CBFB: variants seen among roughly 807,000 people sequenced by gnomAD.
CBFB encodes the protein CBF-beta.
Under a neutral mutation model 30.4 loss-of-function variants are expected in CBFB, and 9 were observed. The observed-to-expected ratio is 0.30, with a 90% confidence interval of 0.18 to 0.52. The LOEUF (loss-of-function observed/expected upper bound fraction) is 0.52. CBFB is among the 20% of genes least tolerant of loss of function. The pLI, the probability that CBFB is intolerant of heterozygous loss-of-function variation, is 0.97. For synonymous variants in CBFB, 94 were observed against 84.0 expected, an observed-to-expected ratio of 1.12 and a Z score of -0.65; for missense variants, 170 against 244.0, an observed-to-expected ratio of 0.70 and a Z score of 2.02.
At chr16:67,073,257 GTC>G (rs1336981123) in intron 4 of CBFB, among the ~76,000 whole-genome samples, 2 of 152,132 alleles carry the variant, frequency 1.3e-5, no homozygotes, top group African/African-American at 4.8e-5. Flanking sequence ...CACAGGTATT[GTC>G]TCTGCTTTTG....
intron 3 of CBFB, among the ~76,000 whole-genome samples, chr16:67,059,494 G>A (rs1960828459): frequency 6.6e-6 from 1 of 152,146 alleles, no homozygotes; most frequent in Non-Finnish European, 1.5e-5. Context: ...ATGCACATGG[G>A]CTCAAACACA....
chr16:67,030,169 T>A (rs1048364154), intron 2 of CBFB: 1 of 208,244 alleles, frequency 4.8e-6, no homozygotes, highest in Non-Finnish European at 9.4e-6. Context: ...AAGTGGAGCT[T>A]CATTCAAGGT....
rs557593884 is a variant in CBFB, at chr16:67,029,188, AGGCGGC to A, written c.-200_-195del. 10,697 of 192,656 alleles carry A rather than the reference AGGCGGC, an allele frequency of 0.056. 504 individuals carry two copies. Among genetic ancestry groups the A allele is most frequent in the African/African-American group, 0.13 (5,210 of 39,858 alleles). 11.9% of individuals were successfully genotyped at this position (192,656 alleles called of 1,614,324 possible). A position where few individuals can be genotyped will look rare whatever the true frequency, so the allele number is the denominator to read the frequency against. ...CTGCGCGGGCGGCAGGCAACGGCTG[AGGCGGC>A]GGCGGCGGCGGCGGCGGCGTGGGTT... On this transcript the variant is annotated 5_prime_UTR_variant, in exon 1 of 6. Transcript: ENST00000412916.
chr16:67,099,216 T>A lies in CBFB; in HGVS notation c.*438T>A, dbSNP rs1320235350. 1 of 234,144 alleles carries A rather than the reference T, an allele frequency of 4.3e-6. No individual in the cohort carries two copies. Among genetic ancestry groups the A allele is most frequent in the Non-Finnish European group, 8.4e-6 (1 of 119,078 alleles). The allele number at this position is 234,144 out of a possible 1,614,324, so 14.5% of individuals were successfully genotyped here. ...TTTGGTTATACAGCTTCATTTTAGA[T>A]GAGCATTCTTATTTTTTGTTTTGTT... On this transcript the variant is annotated 3_prime_UTR_variant, in exon 6 of 6. Transcript: ENST00000412916.
chr16:67,082,107 C>A (rs2145770926), intron 4 of CBFB, 106 bp from the exon 5 acceptor site: 1 of 899,238 alleles, frequency 1.1e-6, no homozygotes, highest in Non-Finnish European at 1.6e-6. Context: ...GCGTGAGCCA[C>A]TGCGCCCGGC....
chr16:67,055,505 C>T (rs1015092863), intron 3 of CBFB, among the ~76,000 whole-genome samples: 1 of 151,716 alleles, frequency 6.6e-6, no homozygotes, highest in Non-Finnish European at 1.5e-5. Context: ...AGGTGCCCGC[C>T]ACCACGCCCA....
At chr16:67,069,137 C>T (rs1041701794) in intron 4 of CBFB, among the ~76,000 whole-genome samples, 1 of 152,120 alleles carries the variant, frequency 6.6e-6, no homozygotes, top group African/African-American at 2.4e-5. Flanking sequence ...TCACTTGAAC[C>T]CGGGAGGTGG....
intron 4 of CBFB, among the ~76,000 whole-genome samples, chr16:67,072,664 C>T (rs1490524881): frequency 2.0e-5 from 3 of 151,826 alleles, no homozygotes; most frequent in Non-Finnish European, 2.9e-5. Flanking sequence ...CGGGGTTTCT[C>T]CATGTTGGTC....
At chr16:67,036,957 G>A (rs1966449612) in intron 3 of CBFB, among the ~76,000 whole-genome samples, 1 of 151,824 alleles carries the variant, frequency 6.6e-6, no homozygotes, top group Non-Finnish European at 1.5e-5. Context: ...GGAGTGCAGT[G>A]GCGTGATGTT....
intron 2 of CBFB, among the ~76,000 whole-genome samples, chr16:67,034,749 A>G (rs1215829587): frequency 1.3e-5 from 2 of 152,192 alleles, no homozygotes; most frequent in African/African-American, 2.4e-5. Context: ...ATACTGAAGA[A>G]ACAAGCCACA....
intron 2 of CBFB, among the ~76,000 whole-genome samples, chr16:67,033,095 A>G (rs1028299039): frequency 1.3e-5 from 2 of 151,786 alleles, no homozygotes; most frequent in Non-Finnish European, 2.9e-5. Context: ...GGCTGGTCTC[A>G]AACTCCTGAC....
At chr16:67,096,600 AT>A (rs1962052150) in intron 5 of CBFB, among the ~76,000 whole-genome samples, 1 of 151,972 alleles carries the variant, frequency 6.6e-6, no homozygotes, top group Admixed American at 6.6e-5. Flanking sequence ...TTTAAAATAG[AT>A]TTGGTCAACA....
chr16:67,100,066 CT>C lies in CBFB; in HGVS notation c.*1297del, dbSNP rs201131293. 1.1e-3 allele frequency: 231 copies of C among 209,614 alleles called. No homozygotes were observed. Among genetic ancestry groups the C allele is most frequent in the Middle Eastern group, 4.5e-3 (3 of 660 alleles). The allele number at this position is 209,614 out of a possible 1,614,324, so 13.0% of individuals were successfully genotyped here. ...AAATAGGCTTACTGTCAAATTGCAACTTTTTTTTTAGATACAGAGTGGAAAA... is the reference window on the plus strand; with the variant it reads ...AAATAGGCTTACTGTCAAATTGCAACTTTTTTTTAGATACAGAGTGGAAAA... On this transcript the variant is annotated 3_prime_UTR_variant, in exon 6 of 6. Transcript: ENST00000412916.
At chr16:67,098,678 T>C in intron 5 of CBFB, 32 bp from the exon 6 acceptor site, 2 of 1,405,188 alleles carry the variant, frequency 1.4e-6, no homozygotes, top group East Asian at 2.3e-5. Context: ...CAAAACACTT[T>C]TTGACCCCAA....
chr16:67,029,528 C>T, intron 1 of CBFB, 43 bp downstream of exon 1: 1 of 1,542,780 alleles, frequency 6.5e-7, no homozygotes, highest in East Asian at 2.5e-5. Context: ...CAGCGCGCCC[C>T]GAGTGGGCCC....
chr16:67,065,175 A>G (rs1401929284), intron 3 of CBFB, among the ~76,000 whole-genome samples: 1 of 152,254 alleles, frequency 6.6e-6, no homozygotes, highest in East Asian at 1.9e-4. Context: ...CCGGGATTAC[A>G]GGCATCAGCC....
At chr16:67,097,127 C>T (rs1417873900) in intron 5 of CBFB, among the ~76,000 whole-genome samples, 1 of 151,714 alleles carries the variant, frequency 6.6e-6, no homozygotes, top group African/African-American at 2.4e-5. Flanking sequence ...CACAGCTACT[C>T]GAGGCTTAGG....
chr16:67,089,443 G>A (rs1052483320), intron 5 of CBFB, among the ~76,000 whole-genome samples: 3 of 152,034 alleles, frequency 2.0e-5, no homozygotes, highest in Non-Finnish European at 2.9e-5. Flanking sequence ...TATGAATTTT[G>A]TATCATTAAT....
At position 67,029,802 on chromosome 16, in the gene CBFB, CGCTCGGAAATCGTAAGTCG is replaced by C; in HGVS notation, c.158_165+11del. The C allele has an allele frequency of 6.3e-7, 1 of 1,586,980 alleles. No individual in the cohort carries two copies. Among genetic ancestry groups the C allele is most frequent in the Non-Finnish European group, 8.6e-7 (1 of 1,168,860 alleles). On this transcript the variant is annotated splice_donor_variant and splice_donor_5th_base_variant and coding_sequence_variant and intron_variant, in exon 2 of 6. Coordinates refer to ENST00000412916, the MANE Select transcript of CBFB (RefSeq NM_022845.3). LOFTEE classifies it high-confidence loss of function. ...CTTCCAGAACGCCTGCCGCGACGGC[CGCTCGGAAATCGTAAGTCG>C]GCTGGCCCGGGGCGCGCGCGGGTCA...
Sources: allele counts gnomAD v4.1 joint callset (sites outside exome capture counted in the v4.1 genomes callset), GRCh38; gene constraint gnomAD v4.1.1; transcripts MANE v1.5; gene names NCBI Gene and HGNC (gene_info 2026-07-23, HGNC 2026-07-21).